The following COA1 variants were observed in gnomAD, a reference collection of about 807,000 sequenced individuals.
The protein encoded by COA1 is cytochrome c oxidase assembly factor 1 homolog.
A neutral mutation model predicts 16.0 loss-of-function variants in COA1; 13 were observed. The ratio of observed to expected loss-of-function variants is 0.81; its 90% CI spans 0.53 to 1.29. The LOEUF is 1.29. Ranked by LOEUF, COA1 falls within the 50% of genes most tolerant of loss-of-function variation. The pLI, the probability that COA1 is intolerant of heterozygous loss-of-function variation, is 0.00. For synonymous variants in COA1, 65 were observed against 65.7 expected, an observed-to-expected ratio of 0.99 and a Z score of 0.05; for missense variants, 179 against 177.0, an observed-to-expected ratio of 1.01 and a Z score of -0.06.
At chr7:43,715,545 G>A (rs1230478778) in intron 1 of COA1, among the ~76,000 whole-genome samples, 1 of 150,392 alleles carries the variant, frequency 6.6e-6, no homozygotes. Flanking sequence ...TAACTATTTT[G>A]GCTGCCTCCT....
chr7:43,672,862 G>A (rs183174500), intron 1 of COA1, among the ~76,000 whole-genome samples: 2 of 151,258 alleles, frequency 1.3e-5, no homozygotes, highest in South Asian at 2.1e-4. Context: ...AAATAATGCC[G>A]CACACCTACA....
At chr7:43,702,229 T>A (rs887057394) in intron 1 of COA1, among the ~76,000 whole-genome samples, 1 of 152,180 alleles carries the variant, frequency 6.6e-6, no homozygotes, top group African/African-American at 2.4e-5. Context: ...TTTATAGTTT[T>A]AGATTTTACA....
intron 1 of COA1, among the ~76,000 whole-genome samples, chr7:43,657,775 T>C (rs1011126403): frequency 2.6e-5 from 4 of 152,212 alleles, no homozygotes; most frequent in African/African-American, 9.6e-5. Context: ...AAAGAATTGT[T>C]ACCCAAAATA....
chr7:43,707,808 A>G (rs921894530), intron 1 of COA1, among the ~76,000 whole-genome samples: 2 of 152,192 alleles, frequency 1.3e-5, no homozygotes, highest in African/African-American at 4.8e-5. Flanking sequence ...AGCTAGTACA[A>G]ATAGTGGTGC....
rs945537661 is a variant in COA1 at position 43,662,465 on chromosome 7, C to T, written c.-38-13813G>A. Among the ~76,000 whole-genome samples, 7 of 152,260 alleles carry T rather than the reference C, an allele frequency of 4.6e-5. No homozygotes were observed. The South Asian group carries it at 1.0e-3, about 23-fold the overall frequency. On this transcript the variant is annotated intron_variant, in intron 1 of 5. Coordinates refer to ENST00000223336, the MANE Select transcript of COA1 (RefSeq NM_018224.4). The stretch of plus-strand genomic sequence containing the variant: ...CCAGCTGGTCTTGAACTCCTGACCT[C>T]GTGATCCATCCACCTCAGCCTCCCA...
chr7:43,683,469 A>T (rs1424329219), intron 1 of COA1, among the ~76,000 whole-genome samples: 1 of 151,796 alleles, frequency 6.6e-6, no homozygotes, highest in Non-Finnish European at 1.5e-5. Context: ...CATCTCTACT[A>T]AAAAAATACA....
rs77710346 is a variant in COA1, at chr7:43,612,380, G to A, written c.*134-2885C>T. ...AAGGTCATTTCCAATTGGCCTCTGT[G>A]AGTCTGGATGAAGTGAGTCTGCTGT... On this transcript the variant is annotated intron_variant and NMD_transcript_variant, in intron 6 of 6. Coordinates refer to the COA1 transcript ENST00000415076. Among the ~76,000 whole-genome samples, 340 of 152,360 alleles carry A rather than the reference G, an allele frequency of 2.2e-3. 6 individuals are homozygous for A. In the East Asian group the frequency reaches 0.039, roughly 17 times the overall value.
intron 6 of COA1, chr7:43,632,381 T>TCCA (rs989681711): frequency 6.6e-6 from 1 of 152,368 alleles, no homozygotes; most frequent in African/African-American, 2.4e-5. Context: ...CTTGAAACCC[T>TCCA]CCAAGTCCTC....
chr7:43,640,367 T>C (rs541931574), intron 5 of COA1, among the ~76,000 whole-genome samples: 1 of 152,370 alleles, frequency 6.6e-6, no homozygotes, highest in Admixed American at 6.5e-5. Context: ...AGAGGGCAAT[T>C]CAGTAGACTG....
chr7:43,699,886 G>A (rs17172240), intron 1 of COA1, among the ~76,000 whole-genome samples: 4,976 of 152,082 alleles, frequency 0.033, 103 homozygotes, highest in Non-Finnish European at 0.048. Context: ...AAGGGCTTGG[G>A]ATTATTTTAG....
chr7:43,660,479 G>C (rs2092312033), intron 1 of COA1, among the ~76,000 whole-genome samples: 1 of 152,116 alleles, frequency 6.6e-6, no homozygotes, highest in African/African-American at 2.4e-5. Context: ...AAAGAGCTTT[G>C]CATGTATCTT....
chr7:43,627,672 T>C (rs749070288), intron 6 of COA1, among the ~76,000 whole-genome samples: 8 of 152,246 alleles, frequency 5.3e-5, no homozygotes, highest in Non-Finnish European at 7.3e-5. Context: ...TGTTGCGGAA[T>C]TTAAAAAGCT....
chr7:43,610,034 G>C (rs2082709301), intron 6 of COA1, among the ~76,000 whole-genome samples: 1 of 152,244 alleles, frequency 6.6e-6, no homozygotes, highest in South Asian at 2.1e-4. Context: ...CTTCAGGCCA[G>C]GGGCCACTTT....
chr7:43,663,535 G>A (rs551752556), intron 1 of COA1, among the ~76,000 whole-genome samples: 22 of 151,520 alleles, frequency 1.5e-4, no homozygotes, highest in Non-Finnish European at 2.2e-4. Flanking sequence ...TTACGGGCTC[G>A]TGCCTGTGGT....
chr7:43,722,691 C>T (rs1000898900), intron 1 of COA1, among the ~76,000 whole-genome samples: 20 of 152,146 alleles, frequency 1.3e-4, no homozygotes, highest in African/African-American at 4.8e-4. Context: ...GCATGAGCCA[C>T]CACGCCCAGC....
intron 1 of COA1, among the ~76,000 whole-genome samples, chr7:43,721,338 T>A (rs1195450194): frequency 1.3e-5 from 2 of 152,238 alleles, no homozygotes; most frequent in African/African-American, 4.8e-5. Context: ...GTACAGCAAT[T>A]ATCGTCCAGC....
At chr7:43,720,063 G>C (rs531811783) in intron 1 of COA1, among the ~76,000 whole-genome samples, 1 of 152,296 alleles carries the variant, frequency 6.6e-6, no homozygotes, top group East Asian at 1.9e-4. Context: ...CGGGTCACTT[G>C]AGGTCAGGAG....
intron 6 of COA1, among the ~76,000 whole-genome samples, chr7:43,621,185 A>G (rs2083849414): frequency 6.6e-6 from 1 of 152,258 alleles, no homozygotes; most frequent in Admixed American, 6.5e-5. Flanking sequence ...ATTAGATAAT[A>G]AAAGATGCCA....
At chr7:43,695,466 C>G (rs1033344664) in intron 1 of COA1, among the ~76,000 whole-genome samples, 2 of 148,620 alleles carry the variant, frequency 1.3e-5, no homozygotes, top group African/African-American at 4.9e-5. Context: ...TTCTCTCTCT[C>G]TCTATCCACA....
Sources: allele counts gnomAD v4.1 joint callset (sites outside exome capture counted in the v4.1 genomes callset), GRCh38; gene constraint gnomAD v4.1.1; transcripts MANE v1.5; gene names NCBI Gene and HGNC (gene_info 2026-07-23, HGNC 2026-07-21).